Variants in SPTSSA observed in about 807,000 individuals in gnomAD.
SPTSSA encodes the protein small subunit of serine palmitoyltransferase A.
In SPTSSA, 8 loss-of-function variants were observed where a neutral mutation model predicts 9.1. The ratio of observed to expected loss-of-function variants is 0.88; its 90% CI spans 0.51 to 1.58. SPTSSA has a LOEUF of 1.58. SPTSSA is among the 40% of genes most tolerant of loss of function. SPTSSA has a pLI of 0.00. For missense variants in SPTSSA, 100 were observed against 93.8 expected (o/e 1.07, Z -0.27); for synonymous variants, 42 against 37.7 (o/e 1.11, Z -0.41).
At chr14:34,459,030 G>A (rs1047447384) in intron 1 of SPTSSA, among the ~76,000 whole-genome samples, 11 of 150,918 alleles carry the variant, frequency 7.3e-5, no homozygotes, top group African/African-American at 2.2e-4. Flanking sequence ...TCAGCCTCCC[G>A]ACTAGTGGGA....
Position 34,432,851 on chromosome 14 carries a change from C to G in SPTSSA, c.*2350G>C, listed in dbSNP as rs1883180468. 2 of 151,066 alleles carry G rather than the reference C, an allele frequency of 1.3e-5. No homozygotes were observed. Among genetic ancestry groups the G allele is most frequent in the Admixed American group, 1.3e-4 (2 of 15,198 alleles). The allele number at this position is 151,066 out of a possible 1,614,324, so 9.4% of individuals were successfully genotyped here. On this transcript the variant is annotated 3_prime_UTR_variant, in exon 2 of 2. Transcript: ENST00000298130. Reference sequence around the variant, plus strand: ...ATATTGGGTGTTTTTTTTTTTTAGCCATAATGCTACTGCACACTTAATAGA... The same window carrying G: ...ATATTGGGTGTTTTTTTTTTTTAGCGATAATGCTACTGCACACTTAATAGA...
At chr14:34,457,921 G>A (rs973305602) in intron 1 of SPTSSA, among the ~76,000 whole-genome samples, 16 of 140,966 alleles carry the variant, frequency 1.1e-4, no homozygotes, top group Non-Finnish European at 1.8e-4. Context: ...GCAGTGAACC[G>A]AGATCGCACC....
Position 34,462,156 on chromosome 14 carries a change from A to G in SPTSSA, c.52T>C (p.Tyr18His). 1 of 1,531,324 alleles carries G rather than the reference A, an allele frequency of 6.5e-7. No homozygotes were observed. Among genetic ancestry groups the G allele is most frequent in the Non-Finnish European group, 8.8e-7 (1 of 1,134,878 alleles). The allele number at this position is 1,531,324 out of a possible 1,614,324, so 94.9% of individuals were successfully genotyped here. Reference sequence around the variant, plus strand: ...AGCGCCGTGACCAGCAGGTACTGGTAGTAGAACCAGGACATCTGCTTCCAG... The same window carrying G: ...AGCGCCGTGACCAGCAGGTACTGGTGGTAGAACCAGGACATCTGCTTCCAG... ...RAWKQMSWFY[Y>H]QYLLVTALYM... Residue 18 changes from tyrosine to histidine, a missense_variant, in exon 1 of 2, where the codon TAC becomes CAC. Physicochemically the swap from Tyr to His is moderately conservative, Grantham distance 83. Transcript: ENST00000298130.
intron 1 of SPTSSA, among the ~76,000 whole-genome samples, chr14:34,450,684 CTT>C (rs1883504208): frequency 1.3e-5 from 2 of 152,186 alleles, no homozygotes; most frequent in Admixed American, 1.3e-4. Context: ...TAAACACTGA[CTT>C]TTAAGTGTTT....
Position 34,435,231 on chromosome 14 carries a change from C to A in SPTSSA, c.186G>T (p.Ala62=), listed in dbSNP as rs1398098147. The part of the protein sequence containing the change: ...GYVFMPQHIM[A]ILHYFEIVQ ...GTACGATTTCAAAGTAGTGCAATAT[C>A]GCCATGATGTGCTGGGGCATGAAGA... is the stretch of plus-strand genomic sequence containing the variant. The change falls in exon 2 of 2, where the codon GCG becomes GCT. Residue 62 remains alanine (A), a synonymous_variant. Transcript: ENST00000298130. The A allele has an allele frequency of 6.2e-7, 1 of 1,613,614 alleles. No homozygotes were observed. Among genetic ancestry groups the A allele is most frequent in the South Asian group, 1.1e-5 (1 of 91,008 alleles).
At chr14:34,458,387 T>A (rs969562591) in intron 1 of SPTSSA, among the ~76,000 whole-genome samples, 1 of 152,096 alleles carries the variant, frequency 6.6e-6, no homozygotes, top group South Asian at 2.1e-4. Context: ...TTTCACCATG[T>A]TTTCTAGGCT....
At chr14:34,444,478 G>A (rs567983854) in intron 1 of SPTSSA, among the ~76,000 whole-genome samples, 2 of 152,260 alleles carry the variant, frequency 1.3e-5, no homozygotes, top group Admixed American at 1.3e-4. Flanking sequence ...GTCAGGCCAG[G>A]CGCGGTGGCT....
chr14:34,456,007 T>C (rs1883613730), intron 1 of SPTSSA, among the ~76,000 whole-genome samples: 1 of 151,278 alleles, frequency 6.6e-6, no homozygotes, highest in Admixed American at 6.6e-5. Flanking sequence ...AATAATTTAG[T>C]TGCTACTGAA....
chr14:34,436,163 A>G (rs189937237), intron 1 of SPTSSA, among the ~76,000 whole-genome samples: 35 of 152,362 alleles, frequency 2.3e-4, no homozygotes, highest in Non-Finnish European at 5.9e-5. Flanking sequence ...TACTGCTATT[A>G]TCACTATTAA....
At chr14:34,447,662 T>C (rs8004013) in intron 1 of SPTSSA, among the ~76,000 whole-genome samples, 6 of 152,186 alleles carry the variant, frequency 3.9e-5, no homozygotes, top group Non-Finnish European at 7.3e-5. Context: ...TGGAAGCCCA[T>C]TGTTTTGGAC....
At chr14:34,456,781 C>G (rs111786063) in intron 1 of SPTSSA, among the ~76,000 whole-genome samples, 13,806 of 150,974 alleles carry the variant, frequency 0.091, 1,299 homozygotes, top group African/African-American at 0.24. Flanking sequence ...CACCTGTAGT[C>G]CCAGCTACTC....
At chr14:34,449,342 T>C (rs1000847046) in intron 1 of SPTSSA, among the ~76,000 whole-genome samples, 5 of 151,800 alleles carry the variant, frequency 3.3e-5, no homozygotes, top group Non-Finnish European at 5.9e-5. Flanking sequence ...TTGCTGTGAG[T>C]TGAAATAACA....
chr14:34,460,051 C>A (rs1325585658), intron 1 of SPTSSA, among the ~76,000 whole-genome samples: 1 of 152,046 alleles, frequency 6.6e-6, no homozygotes, highest in Non-Finnish European at 1.5e-5. Flanking sequence ...AGCCTCCTGA[C>A]AAGTAGGGAA....
intron 1 of SPTSSA, among the ~76,000 whole-genome samples, chr14:34,455,116 G>C (rs1264702340): frequency 1.3e-5 from 2 of 151,812 alleles, no homozygotes; most frequent in Admixed American, 6.6e-5. Context: ...AGCCGGGCTA[G>C]GTGGCTCACA....
In SPTSSA at chr14:34,433,595, C is replaced by T. The variant is rs900473887; in HGVS notation, c.*1606G>A. 1 of 152,004 alleles carries T rather than the reference C, an allele frequency of 6.6e-6. No homozygotes were observed. Among genetic ancestry groups the T allele is most frequent in the African/African-American group, 2.4e-5 (1 of 41,378 alleles). 9.4% of individuals were successfully genotyped at this position (152,004 alleles called of 1,614,324 possible). ...ATCAATTGGCTCTAAAAATATTAAA[C>T]ACATATATATTACTTGAGACCTCTA... On this transcript the variant is annotated 3_prime_UTR_variant, in exon 2 of 2. Coordinates refer to ENST00000298130, the MANE Select transcript of SPTSSA (RefSeq NM_138288.4).
At chr14:34,436,139 A>T (rs1883238203) in intron 1 of SPTSSA, among the ~76,000 whole-genome samples, 1 of 152,246 alleles carries the variant, frequency 6.6e-6, no homozygotes, top group Admixed American at 6.5e-5. Flanking sequence ...TAGCTTAGGG[A>T]TGACAGCAAC....
Position 34,445,822 on chromosome 14 carries a change from A to T in SPTSSA, c.113-10518T>A, listed in dbSNP as rs530653742. ...TCTAATGTCTAAGTATACGCTATCAACTATAATTATGCTTATTATGTTGTC... is the reference window on the plus strand; with the variant it reads ...TCTAATGTCTAAGTATACGCTATCATCTATAATTATGCTTATTATGTTGTC... On this transcript the variant is annotated intron_variant, in intron 1 of 1. Transcript: ENST00000298130. Among the ~76,000 whole-genome samples, 8 of 152,352 alleles carry T rather than the reference A, an allele frequency of 5.3e-5. No homozygotes were observed. In the South Asian group the frequency reaches 1.7e-3, roughly 32 times the overall value.
chr14:34,447,678 T>C (rs1287975694), intron 1 of SPTSSA, among the ~76,000 whole-genome samples: 2 of 152,192 alleles, frequency 1.3e-5, no homozygotes, highest in East Asian at 1.9e-4. Flanking sequence ...TGGACTAAGT[T>C]CATGCACTGG....
At chr14:34,443,737 T>C (rs1883372743) in intron 1 of SPTSSA, among the ~76,000 whole-genome samples, 1 of 152,090 alleles carries the variant, frequency 6.6e-6, no homozygotes, top group Admixed American at 6.6e-5. Flanking sequence ...GGTTTCACCA[T>C]GTTGGTCAGG....
Sources: allele counts gnomAD v4.1 joint callset (sites outside exome capture counted in the v4.1 genomes callset), GRCh38; gene constraint gnomAD v4.1.1; transcripts MANE v1.5; gene names NCBI Gene and HGNC (gene_info 2026-07-23, HGNC 2026-07-21).